Variants in RAPGEF4 observed in about 807,000 individuals in gnomAD.
RAPGEF4 encodes Rap guanine nucleotide exchange factor 4.
In RAPGEF4, 66 loss-of-function variants were observed where a neutral mutation model predicts 147.9. The observed-to-expected ratio is 0.45, with a 90% CI of 0.37 to 0.55. The LOEUF (loss-of-function observed/expected upper bound fraction) is 0.55. Among genes scored for constraint, RAPGEF4 ranks in the 20% least tolerant of loss-of-function variants. The pLI is 0.00. For missense variants in RAPGEF4, 1,071 were observed against 1,257.3 expected (o/e 0.85, Z 2.24); for synonymous variants, 419 against 442.7 (o/e 0.95, Z 0.67).
intron 2 of RAPGEF4, 32 bp downstream of exon 2, chr2:172,795,199 A>G (rs1482073009): frequency 1.3e-6 from 2 of 1,565,434 alleles, no homozygotes. Flanking sequence ...GTATATTTCC[A>G]TGTATGGTTT....
intron 19 of RAPGEF4, 23 bp downstream of exon 19, chr2:173,016,460 G>C: frequency 1.3e-6 from 2 of 1,565,150 alleles, no homozygotes; most frequent in Non-Finnish European, 1.8e-6. Flanking sequence ...TTGACTGTGG[G>C]GGTGTGCTTT....
intron 1 of RAPGEF4, among the ~76,000 whole-genome samples, chr2:172,769,292 G>A (rs562126279): frequency 1.3e-5 from 2 of 152,284 alleles, no homozygotes; most frequent in Admixed American, 6.5e-5. Flanking sequence ...AGGAAGGCCA[G>A]ATGGTTGAAG....
intron 4 of RAPGEF4, among the ~76,000 whole-genome samples, chr2:172,916,818 A>G (rs1356758359): frequency 6.6e-6 from 1 of 152,250 alleles, no homozygotes; most frequent in East Asian, 1.9e-4. Context: ...CCAGCTGCCC[A>G]TTGCTACAGA....
intron 1 of RAPGEF4, among the ~76,000 whole-genome samples, chr2:172,784,667 G>T (rs754357124): frequency 6.6e-6 from 1 of 152,082 alleles, no homozygotes; most frequent in Non-Finnish European, 1.5e-5. Context: ...ATTCTAAGTG[G>T]TTAATAATCA....
chr2:172,866,486 A>G (rs1694662231), intron 4 of RAPGEF4, among the ~76,000 whole-genome samples: 1 of 152,150 alleles, frequency 6.6e-6, no homozygotes, highest in Non-Finnish European at 1.5e-5. Context: ...CTATTAAAAT[A>G]TAAGTCGTAT....
At chr2:172,883,175 A>G (rs531512146) in intron 4 of RAPGEF4, among the ~76,000 whole-genome samples, 2 of 152,320 alleles carry the variant, frequency 1.3e-5, no homozygotes, top group East Asian at 3.9e-4. Flanking sequence ...GTAACAGAAT[A>G]TATGAGACTG....
chr2:172,861,942 C>T (rs1054951015), intron 4 of RAPGEF4, among the ~76,000 whole-genome samples: 7 of 152,216 alleles, frequency 4.6e-5, no homozygotes, highest in South Asian at 4.1e-4. Context: ...CAAGAACTTG[C>T]TTTAAATGAG....
chr2:172,838,377 C>T (rs185602550), intron 4 of RAPGEF4, among the ~76,000 whole-genome samples: 23 of 152,124 alleles, frequency 1.5e-4, no homozygotes, highest in Admixed American at 1.3e-3. Context: ...CTGGGAAATC[C>T]GCCTTTGTTA....
At chr2:172,799,021 A>G (rs1686691783) in intron 3 of RAPGEF4, among the ~76,000 whole-genome samples, 1 of 152,110 alleles carries the variant, frequency 6.6e-6, no homozygotes, top group African/African-American at 2.4e-5. Flanking sequence ...GATTTCAGAG[A>G]CAGTCAAGGT....
chr2:172,824,055 TAAA>T (rs1689401802), intron 4 of RAPGEF4, among the ~76,000 whole-genome samples: 1 of 152,180 alleles, frequency 6.6e-6, no homozygotes, highest in Admixed American at 6.5e-5. Flanking sequence ...GTTTGCAAAT[TAAA>T]GAAGGGAGAG....
At chr2:172,881,338 C>G (rs919469453) in intron 4 of RAPGEF4, among the ~76,000 whole-genome samples, 2 of 152,150 alleles carry the variant, frequency 1.3e-5, no homozygotes, top group Admixed American at 6.6e-5. Context: ...TGATGAGGCT[C>G]TTACTGAGCT....
At chr2:172,816,237 G>C (rs1201304644) in intron 4 of RAPGEF4, among the ~76,000 whole-genome samples, 3 of 151,586 alleles carry the variant, frequency 2.0e-5, no homozygotes, top group African/African-American at 7.3e-5. Flanking sequence ...TCTTACATTT[G>C]ATTGTTATAT....
At chr2:173,002,833 C>T (rs915989378) in intron 17 of RAPGEF4, among the ~76,000 whole-genome samples, 7 of 151,976 alleles carry the variant, frequency 4.6e-5, no homozygotes, top group Non-Finnish European at 8.8e-5. Flanking sequence ...ACTGTTTTAC[C>T]GAGTAATGAT....
At chr2:172,758,706 G>A (rs1465410352) in intron 1 of RAPGEF4, among the ~76,000 whole-genome samples, 1 of 152,090 alleles carries the variant, frequency 6.6e-6, no homozygotes, top group Non-Finnish European at 1.5e-5. Context: ...TTGGAGGACT[G>A]TGGGTCATCT....
At chr2:172,772,518 A>G (rs1164297778) in intron 1 of RAPGEF4, among the ~76,000 whole-genome samples, 1 of 151,506 alleles carries the variant, frequency 6.6e-6, no homozygotes, top group Non-Finnish European at 1.5e-5. Context: ...TAATTTTTGT[A>G]TTTTCAGTAG....
At position 172,973,953 on chromosome 2, in the gene RAPGEF4, G is replaced by T. The variant is rs185849170; in HGVS notation, c.1004+6509G>T. Among the ~76,000 whole-genome samples the T allele has an allele frequency of 7.8e-4, 119 of 152,256 alleles. 1 individual carries two copies. The South Asian group carries it at 0.024, about 30-fold the overall frequency. On this transcript the variant is annotated intron_variant, in intron 10 of 30. Transcript: ENST00000397081. ...ATCATTATATCATCTAACATCTTCA[G>T]ATTACAAGTCTCTTAAGGTATAAAA...
chr2:173,034,368 G>T (rs1438221476), intron 27 of RAPGEF4, among the ~76,000 whole-genome samples: 1 of 152,178 alleles, frequency 6.6e-6, no homozygotes, highest in East Asian at 1.9e-4. Flanking sequence ...GGCAAATCGG[G>T]ACAGGGATCG....
At chr2:172,768,697 A>G (rs1697079798) in intron 1 of RAPGEF4, among the ~76,000 whole-genome samples, 1 of 152,180 alleles carries the variant, frequency 6.6e-6, no homozygotes, top group African/African-American at 2.4e-5. Context: ...ATATAACTCC[A>G]AAGTACCAAA....
At chr2:172,759,374 G>T (rs1696081202) in intron 1 of RAPGEF4, among the ~76,000 whole-genome samples, 1 of 152,208 alleles carries the variant, frequency 6.6e-6, no homozygotes, top group South Asian at 2.1e-4. Flanking sequence ...GGAAAGTAAA[G>T]GAAGATGAAA....
Sources: allele counts gnomAD v4.1 joint callset (sites outside exome capture counted in the v4.1 genomes callset), GRCh38; gene constraint gnomAD v4.1.1; transcripts MANE v1.5; gene names NCBI Gene and HGNC (gene_info 2026-07-23, HGNC 2026-07-21).